The following SORBS2 variants were observed in gnomAD, a reference collection of about 807,000 sequenced individuals.
SORBS2 encodes sorbin and SH3 domain-containing protein 2.
A neutral mutation model predicts 97.7 loss-of-function variants in SORBS2; 46 were observed. That is an observed-to-expected ratio of 0.47 (90% CI 0.37 to 0.60). The LOEUF is 0.60. SORBS2 is among the 20% of genes least tolerant of loss of function. The pLI is 0.00. For missense variants in SORBS2, 1,316 were observed against 1,282.3 expected (o/e 1.03, Z -0.40); for synonymous variants, 476 against 473.4 (o/e 1.01, Z -0.07).
intron 1 of SORBS2, among the ~76,000 whole-genome samples, chr4:185,799,790 T>A (rs2099121909): frequency 6.6e-6 from 1 of 152,202 alleles, no homozygotes. Flanking sequence ...TGCCTGGGAC[T>A]ATGGCGACAC....
intron 1 of SORBS2, among the ~76,000 whole-genome samples, chr4:185,777,607 G>A (rs542852842): frequency 6.6e-6 from 1 of 152,184 alleles, no homozygotes; most frequent in South Asian, 2.1e-4. Flanking sequence ...TGCTTACCTG[G>A]GTAATGTCTG....
At chr4:185,649,622 G>T in exon 3 of SORBS2, 1 of 1,576,586 alleles carries the variant, frequency 6.3e-7, no homozygotes, top group Non-Finnish European at 8.6e-7. Flanking sequence ...TTGCAGCAGG[G>T]TGTGACTGAG....
chr4:185,833,660 G>A (rs2099206366), intron 1 of SORBS2, among the ~76,000 whole-genome samples: 1 of 152,042 alleles, frequency 6.6e-6, no homozygotes, highest in Non-Finnish European at 1.5e-5. Flanking sequence ...TGAAAAATGG[G>A]AATTATAGTA....
chr4:185,712,348 CCTGCCCATCCCCTGTTCAG>C (rs990061381), intron 2 of SORBS2, among the ~76,000 whole-genome samples: 4 of 152,176 alleles, frequency 2.6e-5, no homozygotes, highest in African/African-American at 9.7e-5. Flanking sequence ...AGACTACCTA[CCTGCCCATCCCCTGTTCAG>C]CTCCCCTTCC....
At chr4:185,749,944 A>C (rs139639851) in intron 2 of SORBS2, among the ~76,000 whole-genome samples, 1 of 152,216 alleles carries the variant, frequency 6.6e-6, no homozygotes, top group Admixed American at 6.5e-5. Context: ...TTTTCCATCT[A>C]TAAACACCAA....
intron 1 of SORBS2, among the ~76,000 whole-genome samples, chr4:185,854,963 A>C (rs1170303238): frequency 6.6e-6 from 1 of 152,226 alleles, no homozygotes; most frequent in Non-Finnish European, 1.5e-5. Flanking sequence ...AGAGCATTTT[A>C]TATACACACA....
In SORBS2 at chr4:185,817,099, G is replaced by T. The variant is rs114227450; in HGVS notation, c.-337-41733C>A. Among the ~76,000 whole-genome samples, 625 of 152,130 alleles carry T rather than the reference G, an allele frequency of 4.1e-3. 7 individuals are homozygous for T. Among genetic ancestry groups the T allele is most frequent in the African/African-American group, 0.014 (574 of 41,488 alleles). The stretch of plus-strand genomic sequence containing the variant: ...AATATTTCAGGTTTATCAAGCTTTG[G>T]GTTTGCAAATGACTATGATTGCAGC... On this transcript the variant is annotated intron_variant, in intron 1 of 20. Coordinates refer to the SORBS2 transcript ENST00000284776.
intron 2 of SORBS2, chr4:185,774,006 C>A (rs1482834509): frequency 2.0e-5 from 3 of 151,138 alleles, no homozygotes; most frequent in South Asian, 2.1e-4. Flanking sequence ...TATTTCTTCC[C>A]GTTTTTGTTA....
chr4:185,741,663 C>T (rs533378124), intron 2 of SORBS2, among the ~76,000 whole-genome samples: 3 of 152,268 alleles, frequency 2.0e-5, no homozygotes, highest in South Asian at 2.1e-4. Context: ...CGCACCCGGC[C>T]TGTCCTCACT....
At chr4:185,720,857 C>T (rs2098507175) in intron 2 of SORBS2, among the ~76,000 whole-genome samples, 1 of 152,108 alleles carries the variant, frequency 6.6e-6, no homozygotes, top group African/African-American at 2.4e-5. Flanking sequence ...GAACCAGGAC[C>T]TTAAAAGCTT....
intron 1 of SORBS2, among the ~76,000 whole-genome samples, chr4:185,881,173 T>A (rs1341355311): frequency 1.3e-5 from 2 of 152,112 alleles, no homozygotes; most frequent in African/African-American, 4.8e-5. Context: ...TAGGGGAGAT[T>A]GTAGAGTTAA....
intron 1 of SORBS2, among the ~76,000 whole-genome samples, chr4:185,786,950 A>ATT (rs35546450): frequency 4.5e-4 from 45 of 99,922 alleles, no homozygotes; most frequent in African/African-American, 1.7e-3. Flanking sequence ...ATGTTCATCC[A>ATT]TTTTTTTTTT....
At chr4:185,677,032 C>T in intron 4 of SORBS2, 6 of 1,551,148 alleles carry the variant, frequency 3.9e-6, no homozygotes, top group Non-Finnish European at 5.2e-6. Context: ...GCCGCTGCAA[C>T]TGCAGATTTT....
intron 1 of SORBS2, among the ~76,000 whole-genome samples, chr4:185,801,219 T>A (rs1374916595): frequency 6.6e-6 from 1 of 152,366 alleles, no homozygotes; most frequent in East Asian, 1.9e-4. Context: ...TCTTCTTTTT[T>A]AGGGCTGAAT....
At chr4:185,636,030 T>A (rs1362425271) in intron 4 of SORBS2, among the ~76,000 whole-genome samples, 1 of 152,092 alleles carries the variant, frequency 6.6e-6, no homozygotes, top group East Asian at 1.9e-4. Flanking sequence ...AGCTAATTTT[T>A]GTATTTTTAG....
At chr4:185,691,361 G>C (rs912482971) in intron 2 of SORBS2, among the ~76,000 whole-genome samples, 1 of 152,208 alleles carries the variant, frequency 6.6e-6, no homozygotes, top group African/African-American at 2.4e-5. Context: ...TACCGTGCCT[G>C]GTTGAGTTTT....
intron 2 of SORBS2, among the ~76,000 whole-genome samples, chr4:185,755,699 C>A (rs1295251626): frequency 1.3e-5 from 2 of 152,194 alleles, no homozygotes; most frequent in Admixed American, 6.5e-5. Flanking sequence ...ACCACAAAGG[C>A]TAAAGGTCTC....
In SORBS2 at chr4:185,857,537, C is replaced by T. The variant is rs1043773839; in HGVS notation, c.-337-82171G>A. Among the ~76,000 whole-genome samples the T allele has an allele frequency of 2.3e-4, 35 of 152,242 alleles. 1 individual carries two copies. Among genetic ancestry groups the T allele is most frequent in the African/African-American group, 8.2e-4 (34 of 41,546 alleles). ...TGCACCCTGAAAAAGAACAGAATAACAGTGATTTTCAGGGAACAAGGAAAG... is the reference window on the plus strand; with the variant it reads ...TGCACCCTGAAAAAGAACAGAATAATAGTGATTTTCAGGGAACAAGGAAAG... On this transcript the variant is annotated intron_variant, in intron 1 of 20. Transcript: ENST00000284776.
intron 2 of SORBS2, among the ~76,000 whole-genome samples, chr4:185,748,612 C>T (rs549190590): frequency 2.0e-5 from 3 of 152,272 alleles, no homozygotes; most frequent in Middle Eastern, 3.4e-3. Context: ...TGGTGTGTTA[C>T]GGATTTTGCA....
Sources: allele counts gnomAD v4.1 joint callset (sites outside exome capture counted in the v4.1 genomes callset), GRCh38; gene constraint gnomAD v4.1.1; transcripts MANE v1.5; gene names NCBI Gene and HGNC (gene_info 2026-07-23, HGNC 2026-07-21).